Variants in OIP5 observed in about 807,000 individuals in gnomAD.
The protein encoded by OIP5 is Opa interacting protein 5.
OIP5 carries 24 observed loss-of-function variants against 20.3 expected under a neutral mutation model. That is an observed-to-expected ratio of 1.18 (90% confidence interval 0.86 to 1.66). The LOEUF (loss-of-function observed/expected upper bound fraction) is 1.66, where lower values mean the gene tolerates loss of function less well. Among genes scored for constraint, OIP5 ranks in the 40% most tolerant of loss-of-function variants. The pLI, the probability that OIP5 is intolerant of heterozygous loss-of-function variation, is 0.00. For missense variants in OIP5, 339 were observed against 289.5 expected, an observed-to-expected ratio of 1.17 and a Z score of -1.24; for synonymous variants, 143 against 121.3, an observed-to-expected ratio of 1.18 and a Z score of -1.17.
chr15:41,310,963 G>A (rs2047750199), intron 4 of OIP5, among the ~76,000 whole-genome samples: 1 of 152,192 alleles, frequency 6.6e-6, no homozygotes, highest in African/African-American at 2.4e-5. Flanking sequence ...TTACTCAGCA[G>A]GGCAAGAGCA....
chr15:41,320,568 GT>G (rs1225045057), intron 2 of OIP5, among the ~76,000 whole-genome samples: 40 of 152,238 alleles, frequency 2.6e-4, no homozygotes, highest in African/African-American at 8.9e-4. Flanking sequence ...ACGGAGTCTC[GT>G]CTCGTTCACT....
intron 3 of OIP5, among the ~76,000 whole-genome samples, chr15:41,316,336 T>C (rs1335354859): frequency 1.3e-5 from 2 of 151,948 alleles, no homozygotes; most frequent in African/African-American, 2.4e-5. Context: ...GATCAATCCA[T>C]CTCAGGATCT....
At chr15:41,329,827 A>G (rs569126241) in intron 2 of OIP5, among the ~76,000 whole-genome samples, 1 of 151,560 alleles carries the variant, frequency 6.6e-6, no homozygotes, top group Non-Finnish European at 1.5e-5. Context: ...CAGTCTCCCA[A>G]GTAGCTGGGA....
At chr15:41,320,875 G>A (rs2047819225) in intron 2 of OIP5, among the ~76,000 whole-genome samples, 1 of 151,798 alleles carries the variant, frequency 6.6e-6, no homozygotes, top group Non-Finnish European at 1.5e-5. Context: ...TCTAGGAAGT[G>A]AGGAGCGTCT....
rs1331380312 is a variant in OIP5 at position 41,313,377 on chromosome 15, A to G, written c.513-23T>C. 3.2e-6 allele frequency: 4 copies of G among 1,262,540 alleles called. No individual in the cohort carries two copies. The African/African-American group carries it at 4.4e-5, about 14-fold the overall frequency. The allele number at this position is 1,262,540 out of a possible 1,614,324, so 78.2% of individuals were successfully genotyped here. A position where few individuals can be genotyped will look rare whatever the true frequency, so the allele number is the denominator to read the frequency against. ...TAGCTAGATAGGAAAAAAGAAAAAT[A>G]TTAGTGTCATACCATGGTTAAGATT... is the stretch of plus-strand genomic sequence containing the variant. On this transcript the variant is annotated intron_variant, in intron 3 of 4. Coordinates refer to ENST00000220514, the MANE Select transcript of OIP5 (RefSeq NM_007280.2).
chr15:41,322,503 A>T (rs969552479), intron 2 of OIP5, among the ~76,000 whole-genome samples: 2 of 152,080 alleles, frequency 1.3e-5, no homozygotes, highest in Non-Finnish European at 1.5e-5. Flanking sequence ...GGCTCAACTG[A>T]TCTACCTGCC....
chr15:41,331,350 T>C (rs2047908374), intron 2 of OIP5, among the ~76,000 whole-genome samples: 1 of 152,182 alleles, frequency 6.6e-6, no homozygotes, highest in Non-Finnish European at 1.5e-5. Context: ...GCATAGCTTA[T>C]TACAAACTAA....
chr15:41,325,530 C>A (rs2047856118), intron 2 of OIP5, among the ~76,000 whole-genome samples: 1 of 150,914 alleles, frequency 6.6e-6, no homozygotes, highest in African/African-American at 2.4e-5. Context: ...TTGTCACAAA[C>A]CTTCAATTTG....
At position 41,332,535 on chromosome 15, in the gene OIP5, G is replaced by C. The variant is rs149802500; in HGVS notation, c.27C>G (p.Arg9=). 1.3e-4 allele frequency: 213 copies of C among 1,611,022 alleles called. No homozygotes were observed. Among genetic ancestry groups the C allele is most frequent in the Non-Finnish European group, 1.7e-4 (201 of 1,178,640 alleles). ...CCCGGGGCGGCGTTGCACAACGTGAGCGATGCCGCAGCGGCTGAGCCGCCA... is the reference window on the plus strand; with the variant it reads ...CCCGGGGCGGCGTTGCACAACGTGACCGATGCCGCAGCGGCTGAGCCGCCA... MAAQPLRH[R]SRCATPPRGD... The change falls in exon 1 of 5, where the codon CGC becomes CGG. Residue 9 remains arginine, a synonymous_variant. Coordinates refer to ENST00000220514, the MANE Select transcript of OIP5 (RefSeq NM_007280.2).
intron 4 of OIP5, among the ~76,000 whole-genome samples, chr15:41,311,098 G>GC (rs2047751007): frequency 6.6e-6 from 1 of 152,116 alleles, no homozygotes; most frequent in Non-Finnish European, 1.5e-5. Flanking sequence ...CTTGAACCTG[G>GC]CACTCACACC....
intron 2 of OIP5, among the ~76,000 whole-genome samples, chr15:41,328,437 G>GA (rs999203309): frequency 1.3e-5 from 2 of 151,966 alleles, no homozygotes; most frequent in Non-Finnish European, 2.9e-5. Context: ...ATAACAATTA[G>GA]AAAAAAATGT....
chr15:41,322,677 G>A (rs1357518916), intron 2 of OIP5, among the ~76,000 whole-genome samples: 1 of 152,176 alleles, frequency 6.6e-6, no homozygotes, highest in African/African-American at 2.4e-5. Flanking sequence ...GCTCACGCCT[G>A]TAATCCCAGC....
In OIP5 at chr15:41,319,774, G is replaced by T. The variant is rs371045360; in HGVS notation, c.396C>A (p.Tyr132Ter). Residue 132 changes from tyrosine (Y) to a stop codon, truncating the protein, a stop_gained, in exon 3 of 5, where the codon TAC becomes TAA. Coordinates refer to ENST00000220514, the MANE Select transcript of OIP5 (RefSeq NM_007280.2). LOFTEE classifies it high-confidence loss of function. ...CACAAGAACCACAGAATAAAAGGTT[G>T]TAAGTACTAGGGGTGGGGAAAAACA... The part of the protein sequence containing the change: ...GIEGSLKGST[Y>*]NLLFCGSCGI... The T allele has an allele frequency of 5.4e-5, 87 of 1,611,302 alleles. No individual in the cohort carries two copies. Among genetic ancestry groups the T allele is most frequent in the Non-Finnish European group, 7.3e-5 (86 of 1,178,790 alleles).
At chr15:41,320,020 C>T (rs1436104896) in intron 2 of OIP5, among the ~76,000 whole-genome samples, 3 of 151,972 alleles carry the variant, frequency 2.0e-5, no homozygotes, top group African/African-American at 4.8e-5. Context: ...GTATAATTGT[C>T]GCTTCAGAAG....
chr15:41,313,882 G>A lies in OIP5; in HGVS notation c.513-528C>T, dbSNP rs2047774117. 3.9e-5 allele frequency among the ~76,000 whole-genome samples: 6 copies of A among 151,980 alleles called. No individual in the cohort carries two copies. In the South Asian group the frequency reaches 1.2e-3, roughly 32 times the overall value. ...ACTGAAGGATGACTGCATTTTCTTG[G>A]AAAAACAAATTCAAAAATAAACAAA... On this transcript the variant is annotated intron_variant, in intron 3 of 4. Transcript: ENST00000220514.
At chr15:41,321,514 G>A (rs902259160) in intron 2 of OIP5, among the ~76,000 whole-genome samples, 48 of 152,326 alleles carry the variant, frequency 3.2e-4, no homozygotes, top group Admixed American at 1.2e-3. Context: ...TTGAGAAATC[G>A]GATGGCTGCT....
At chr15:41,330,995 G>A (rs1318046198) in intron 2 of OIP5, among the ~76,000 whole-genome samples, 1 of 152,160 alleles carries the variant, frequency 6.6e-6, no homozygotes, top group East Asian at 1.9e-4. Flanking sequence ...GCGATAGGGA[G>A]TGTCTTTTAT....
chr15:41,319,454 C>T (rs551855703), intron 3 of OIP5, among the ~76,000 whole-genome samples: 47 of 152,024 alleles, frequency 3.1e-4, no homozygotes, highest in African/African-American at 1.1e-3. Context: ...TGGGTTTCAC[C>T]ATGTTAGCCA....
At chr15:41,311,975 C>G (rs113300368) in intron 4 of OIP5, among the ~76,000 whole-genome samples, 6,285 of 142,626 alleles carry the variant, frequency 0.044, 697 homozygotes, top group African/African-American at 0.1. Context: ...CTGCCTCAGC[C>G]TCCCGAAAAG....
Sources: allele counts gnomAD v4.1 joint callset (sites outside exome capture counted in the v4.1 genomes callset), GRCh38; gene constraint gnomAD v4.1.1; transcripts MANE v1.5; gene names NCBI Gene and HGNC (gene_info 2026-07-23, HGNC 2026-07-21).